Variants in GARIN2 observed in about 807,000 individuals in gnomAD.
The protein encoded by GARIN2 is golgi associated RAB2 interactor family member 2, also known as Golgi-associated RAB2 interactor protein 2.
the GARIN2 span, among the ~76,000 whole-genome samples, chr14:67,206,675 A>G: frequency 1.3e-5 from 2 of 152,276 alleles, no homozygotes; most frequent in South Asian, 2.1e-4. Context: ...TCAGAGTGAA[A>G]TGTGCATAGA....
chr14:67,218,492 G>A, the GARIN2 span, among the ~76,000 whole-genome samples: 1 of 152,292 alleles, frequency 6.6e-6, no homozygotes, highest in African/African-American at 2.4e-5. Flanking sequence ...GTGGATACAG[G>A]GCTGCTTGGC....
the GARIN2 span, among the ~76,000 whole-genome samples, chr14:67,195,631 A>G: frequency 6.6e-6 from 1 of 152,124 alleles, no homozygotes; most frequent in Non-Finnish European, 1.5e-5. Context: ...AGATACACCA[A>G]TTATAAGATA....
At chr14:67,198,098 T>C in the GARIN2 span, 1 of 1,546,148 alleles carries the variant, frequency 6.5e-7, no homozygotes. Context: ...GATATTAAAT[T>C]CTCTCTGTAT....
At chr14:67,199,118 C>G in the GARIN2 span, 1 of 1,317,238 alleles carries the variant, frequency 7.6e-7, no homozygotes, top group Non-Finnish European at 1.1e-6. Context: ...ACGTGGGGGG[C>G]CTGAATGAGA....
the GARIN2 span, among the ~76,000 whole-genome samples, chr14:67,193,255 TCTATATA>T: frequency 1.2e-4 from 17 of 139,254 alleles, no homozygotes; most frequent in African/African-American, 3.9e-4. Flanking sequence ...TCTATATATC[TCTATATA>T]GACATCTATC....
the GARIN2 span, chr14:67,199,027 A>G: frequency 1.4e-6 from 1 of 720,644 alleles, no homozygotes; most frequent in Non-Finnish European, 2.5e-6. Context: ...AGACACTTCA[A>G]AAGGCAAGAA....
chr14:67,208,107 A>T, the GARIN2 span: 1 of 1,524,460 alleles, frequency 6.6e-7, no homozygotes, highest in Non-Finnish European at 8.8e-7. Flanking sequence ...AGTGACGATG[A>T]ATGAAATGGT....
the GARIN2 span, chr14:67,199,010 G>GCTTCAAAAGGCAA: frequency 2.8e-6 from 2 of 708,748 alleles, no homozygotes; most frequent in Middle Eastern, 4.6e-4. Context: ...TGACAAGGGA[G>GCTTCAAAAGGCAA]GACAACAGAC....
At chr14:67,215,230 A>G in the GARIN2 span, among the ~76,000 whole-genome samples, 1 of 152,146 alleles carries the variant, frequency 6.6e-6, no homozygotes, top group Admixed American at 6.5e-5. Flanking sequence ...AGCTGTGGAA[A>G]GAACTATAGG....
chr14:67,191,293 C>A, the GARIN2 span, among the ~76,000 whole-genome samples: 2 of 152,262 alleles, frequency 1.3e-5, no homozygotes, highest in African/African-American at 4.8e-5. Flanking sequence ...ACCCAGAATC[C>A]AGGTAGTTGG....
chr14:67,190,629 T>G, the GARIN2 span, among the ~76,000 whole-genome samples: 1 of 152,186 alleles, frequency 6.6e-6, no homozygotes, highest in South Asian at 2.1e-4. Context: ...ACAGCCCTTT[T>G]TAATTACTCA....
chr14:67,221,679 G>T, the GARIN2 span: 6 of 1,538,324 alleles, frequency 3.9e-6, no homozygotes, highest in African/African-American at 1.4e-5. Flanking sequence ...TACCCACAGA[G>T]CATTTAAAGA....
chr14:67,199,768 C>T, the GARIN2 span: 2 of 1,536,694 alleles, frequency 1.3e-6, no homozygotes, highest in Non-Finnish European at 8.9e-7. Context: ...CTCCACCAGG[C>T]ATGCCTCCTC....
the GARIN2 span, among the ~76,000 whole-genome samples, chr14:67,190,319 G>A: frequency 6.6e-6 from 1 of 151,024 alleles, no homozygotes; most frequent in East Asian, 2.0e-4. Flanking sequence ...CACCTCCCAG[G>A]TTCAAGCCAT....
At chr14:67,199,423 C>A in the GARIN2 span, 2 of 1,613,328 alleles carry the variant, frequency 1.2e-6, no homozygotes, top group Non-Finnish European at 1.7e-6. Flanking sequence ...ATACTTTCAG[C>A]GCCTTTGGGG....
the GARIN2 span, among the ~76,000 whole-genome samples, chr14:67,210,457 A>G: frequency 6.6e-6 from 1 of 152,188 alleles, no homozygotes; most frequent in Non-Finnish European, 1.5e-5. Flanking sequence ...AAAAAAGAAA[A>G]GAGCTATGTT....
chr14:67,194,110 C>G, the GARIN2 span, among the ~76,000 whole-genome samples: 1 of 152,018 alleles, frequency 6.6e-6, no homozygotes, highest in Non-Finnish European at 1.5e-5. Flanking sequence ...CACCTATAAT[C>G]CTAGCACTTT....
At chr14:67,210,689 T>C in the GARIN2 span, among the ~76,000 whole-genome samples, 5 of 151,726 alleles carry the variant, frequency 3.3e-5, no homozygotes, top group African/African-American at 9.7e-5. Context: ...GATGCATTCA[T>C]TGGGAGACAG....
the GARIN2 span, among the ~76,000 whole-genome samples, chr14:67,213,834 C>T: frequency 6.6e-6 from 1 of 152,140 alleles, no homozygotes; most frequent in African/African-American, 2.4e-5. Flanking sequence ...CTGTTGTTTC[C>T]TGACTTTTTA....
Sources: gnomAD v4.1 joint callset for allele counts (sites outside exome capture counted in the v4.1 genomes callset) on GRCh38, gnomAD v4.1.1 for gene constraint, MANE v1.5 for transcripts, NCBI Gene and HGNC (gene_info 2026-07-23, HGNC 2026-07-21) for gene names.